The following LRRTM4 variants were observed in gnomAD, a reference collection of about 807,000 sequenced individuals.
LRRTM4 encodes leucine rich repeat transmembrane neuronal 4.
In LRRTM4, 25 loss-of-function variants were observed where a neutral mutation model predicts 47.6. The observed-to-expected ratio is 0.53, with a 90% CI of 0.38 to 0.73. LRRTM4 has a LOEUF of 0.73. Among genes scored for constraint, LRRTM4 ranks in the 30% least tolerant of loss-of-function variants. The probability of loss-of-function intolerance (pLI) is 0.00; values close to 1 mark genes in which losing one functional copy is unlikely to be tolerated. For missense variants in LRRTM4, 638 were observed against 713.4 expected, an observed-to-expected ratio of 0.89 and a Z score of 1.20; for synonymous variants, 311 against 269.5, an observed-to-expected ratio of 1.15 and a Z score of -1.51.
chr2:76,948,972 G>A (rs1297359953), intron 3 of LRRTM4, among the ~76,000 whole-genome samples: 1 of 151,832 alleles, frequency 6.6e-6, no homozygotes, highest in Non-Finnish European at 1.5e-5. Context: ...TAGTGAGTAT[G>A]TCTTTACAAA....
chr2:77,072,186 T>A (rs1573530334), intron 3 of LRRTM4, among the ~76,000 whole-genome samples: 1 of 152,136 alleles, frequency 6.6e-6, no homozygotes, highest in Non-Finnish European at 1.5e-5. Flanking sequence ...AGATCCCAGA[T>A]TGAGAATAAT....
intron 3 of LRRTM4, among the ~76,000 whole-genome samples, chr2:77,292,811 A>T (rs1252618022): frequency 6.6e-6 from 1 of 151,766 alleles, no homozygotes; most frequent in Non-Finnish European, 1.5e-5. Context: ...ACTAACCTGC[A>T]CATTGTGCAC....
chr2:77,354,879 A>C (rs971258360), intron 3 of LRRTM4, among the ~76,000 whole-genome samples: 27 of 152,298 alleles, frequency 1.8e-4, no homozygotes, highest in African/African-American at 5.5e-4. Flanking sequence ...GTGGTACACA[A>C]AGCCCACTTT....
intron 3 of LRRTM4, among the ~76,000 whole-genome samples, chr2:77,166,920 C>A (rs1052571258): frequency 1.3e-5 from 2 of 152,040 alleles, no homozygotes; most frequent in African/African-American, 4.8e-5. Flanking sequence ...ACTAAAACAC[C>A]AAAAGCAATG....
At chr2:77,032,426 C>T (rs1678693903) in intron 3 of LRRTM4, among the ~76,000 whole-genome samples, 1 of 152,034 alleles carries the variant, frequency 6.6e-6, no homozygotes, top group South Asian at 2.1e-4. Context: ...TACCTAGTAT[C>T]TTTCTCCTTC....
chr2:77,391,806 C>T (rs1293213721), intron 3 of LRRTM4, among the ~76,000 whole-genome samples: 2 of 151,936 alleles, frequency 1.3e-5, no homozygotes, highest in Non-Finnish European at 2.9e-5. Context: ...ATACTCTTCT[C>T]CTTTTGGAGT....
intron 3 of LRRTM4, among the ~76,000 whole-genome samples, chr2:77,386,579 C>T (rs1304153957): frequency 6.6e-6 from 1 of 152,108 alleles, no homozygotes; most frequent in African/African-American, 2.4e-5. Context: ...CATACATGTG[C>T]ATGTGTCTTT....
chr2:76,996,155 T>C (rs1352806905), intron 3 of LRRTM4, among the ~76,000 whole-genome samples: 1 of 152,020 alleles, frequency 6.6e-6, no homozygotes, highest in East Asian at 1.9e-4. Context: ...AAATTAAACA[T>C]GTTATCATAA....
intron 3 of LRRTM4, among the ~76,000 whole-genome samples, chr2:77,191,939 G>A (rs1036518747): frequency 6.6e-6 from 1 of 151,850 alleles, no homozygotes; most frequent in Non-Finnish European, 1.5e-5. Flanking sequence ...ACAAATAAAG[G>A]TCTGCATACG....
chr2:77,161,756 A>AT (rs887689868), intron 3 of LRRTM4, among the ~76,000 whole-genome samples: 13 of 151,412 alleles, frequency 8.6e-5, no homozygotes, highest in South Asian at 2.1e-4. Flanking sequence ...TAAACTCTTA[A>AT]TTTTTTTTTC....
At chr2:77,358,369 C>T (rs544989507) in intron 3 of LRRTM4, among the ~76,000 whole-genome samples, 2 of 152,012 alleles carry the variant, frequency 1.3e-5, no homozygotes, top group Non-Finnish European at 2.9e-5. Context: ...GGAACTAGTC[C>T]ATTCTCTTCC....
chr2:77,462,218 G>A (rs1676816959), intron 3 of LRRTM4, among the ~76,000 whole-genome samples: 1 of 152,020 alleles, frequency 6.6e-6, no homozygotes, highest in Non-Finnish European at 1.5e-5. Flanking sequence ...GCCATGATGT[G>A]AGCTCTGAAG....
chr2:77,423,901 G>A (rs1382161856), intron 3 of LRRTM4, among the ~76,000 whole-genome samples: 1 of 152,068 alleles, frequency 6.6e-6, no homozygotes, highest in South Asian at 2.1e-4. Context: ...CCAGTCTTTG[G>A]TACAATCAGT....
At chr2:77,044,329 T>G (rs1679156460) in intron 3 of LRRTM4, among the ~76,000 whole-genome samples, 1 of 151,750 alleles carries the variant, frequency 6.6e-6, no homozygotes, top group East Asian at 1.9e-4. Flanking sequence ...CTGTCAAATA[T>G]GGTACTTGGA....
chr2:77,492,711 A>G (rs1025666222), intron 3 of LRRTM4, among the ~76,000 whole-genome samples: 7 of 152,204 alleles, frequency 4.6e-5, no homozygotes, highest in Admixed American at 2.0e-4. Context: ...TATGAAATTA[A>G]GAATCAAGGT....
chr2:77,004,538 A>G (rs1182750633), intron 3 of LRRTM4, among the ~76,000 whole-genome samples: 1 of 152,184 alleles, frequency 6.6e-6, no homozygotes, highest in East Asian at 1.9e-4. Flanking sequence ...GAAGTGTGCT[A>G]CAGTGGTGGT....
chr2:77,109,163 G>C (rs1441841679), intron 3 of LRRTM4, among the ~76,000 whole-genome samples: 2 of 152,018 alleles, frequency 1.3e-5, no homozygotes, highest in African/African-American at 4.8e-5. Context: ...GTTTTGTTTT[G>C]CTCTAGTCAT....
rs1491542794 is a variant in LRRTM4, at chr2:76,795,248, AAT to A, written c.1552-46334_1552-46333del. Among the ~76,000 whole-genome samples the A allele has an allele frequency of 4.9e-5, 7 of 143,654 alleles. No individual in the cohort carries two copies. The East Asian group carries it at 1.1e-3, about 23-fold the overall frequency. 94.2% of individuals were successfully genotyped at this position (143,654 alleles called of 152,430 possible). On this transcript the variant is annotated intron_variant, in intron 3 of 3. Coordinates refer to ENST00000409884, the MANE Select transcript of LRRTM4 (RefSeq NM_001134745.3). ...TGAAAAGTGTGTTTTGTACTTTAAA[AAT>A]CATTTTTAATTGACAAATACAAATT... is the stretch of plus-strand genomic sequence containing the variant.
chr2:76,770,700 C>T (rs567522819), intron 3 of LRRTM4, among the ~76,000 whole-genome samples: 4 of 152,278 alleles, frequency 2.6e-5, no homozygotes, highest in African/African-American at 9.6e-5. Context: ...AATACATCTC[C>T]TTTTACATAT....
Sources: allele counts gnomAD v4.1 joint callset (sites outside exome capture counted in the v4.1 genomes callset), GRCh38; gene constraint gnomAD v4.1.1; transcripts MANE v1.5; gene names NCBI Gene and HGNC (gene_info 2026-07-23, HGNC 2026-07-21).